Variants in TFEC observed in about 807,000 individuals in gnomAD.
The protein encoded by TFEC is class E basic helix-loop-helix protein 34.
A neutral mutation model predicts 41.6 loss-of-function variants in TFEC; 31 were observed. The observed-to-expected ratio is 0.74, with a 90% CI of 0.56 to 1.01. The LOEUF (loss-of-function observed/expected upper bound fraction) is 1.01. Among genes scored for constraint, TFEC ranks in the 50% least tolerant of loss-of-function variants. The pLI, the probability that TFEC is intolerant of heterozygous loss-of-function variation, is 0.00. For missense variants in TFEC, 402 were observed against 404.1 expected, an observed-to-expected ratio of 0.99 and a Z score of 0.04; for synonymous variants, 143 against 140.6, an observed-to-expected ratio of 1.02 and a Z score of -0.12.
chr7:116,001,546 C>A (rs1253194388), intron 1 of TFEC, among the ~76,000 whole-genome samples: 3 of 149,184 alleles, frequency 2.0e-5, no homozygotes, highest in East Asian at 2.0e-4. Flanking sequence ...AACAAACAAA[C>A]AAAAAAAACA....
chr7:115,952,901 G>C (rs752198983), intron 5 of TFEC, among the ~76,000 whole-genome samples: 2 of 152,042 alleles, frequency 1.3e-5, no homozygotes, highest in Non-Finnish European at 2.9e-5. Context: ...AGGGCCAAGG[G>C]AACCCTTCTA....
chr7:116,116,113 T>A (rs532565129), intron 1 of TFEC, among the ~76,000 whole-genome samples: 1 of 151,964 alleles, frequency 6.6e-6, no homozygotes, highest in African/African-American at 2.4e-5. Flanking sequence ...AAATAATGTA[T>A]ATAAAGTGTT....
chr7:115,942,299 A>C (rs1793547614), intron 6 of TFEC, among the ~76,000 whole-genome samples: 1 of 152,018 alleles, frequency 6.6e-6, no homozygotes. Context: ...CAATATCATG[A>C]TTCTACCATT....
chr7:116,066,588 C>T (rs533282922), intron 3 of TFEC, among the ~76,000 whole-genome samples: 1 of 151,904 alleles, frequency 6.6e-6, no homozygotes, highest in South Asian at 2.1e-4. Flanking sequence ...TTGTAATGAG[C>T]CTAGGAAAAG....
chr7:116,058,905 A>G (rs1796489436), intron 3 of TFEC, among the ~76,000 whole-genome samples: 1 of 151,806 alleles, frequency 6.6e-6, no homozygotes, highest in South Asian at 2.1e-4. Context: ...TGAGGGACGA[A>G]TTTTTAGTAC....
intron 3 of TFEC, among the ~76,000 whole-genome samples, chr7:115,959,711 A>G (rs1384581499): frequency 2.0e-5 from 3 of 151,720 alleles, no homozygotes; most frequent in African/African-American, 7.2e-5. Flanking sequence ...AAAATCCTAT[A>G]GAATGGAAAA....
chr7:116,157,817 C>G (rs1798899818), intron 1 of TFEC, among the ~76,000 whole-genome samples: 1 of 152,158 alleles, frequency 6.6e-6, no homozygotes, highest in South Asian at 2.1e-4. Flanking sequence ...CACAGAACTT[C>G]TGTCACACCG....
intron 3 of TFEC, among the ~76,000 whole-genome samples, chr7:116,059,407 T>C (rs1380979883): frequency 6.6e-6 from 1 of 151,858 alleles, no homozygotes; most frequent in Non-Finnish European, 1.5e-5. Context: ...ATTGGTGAAT[T>C]CTAGCAAACT....
intron 3 of TFEC, among the ~76,000 whole-genome samples, chr7:116,084,632 T>C (rs1797162217): frequency 6.8e-6 from 1 of 147,612 alleles, no homozygotes; most frequent in African/African-American, 2.4e-5. Context: ...AAGTTTCTAA[T>C]ATTTGATTAT....
chr7:115,956,412 T>A (rs567625730), intron 4 of TFEC, among the ~76,000 whole-genome samples: 2 of 151,926 alleles, frequency 1.3e-5, no homozygotes, highest in Admixed American at 6.6e-5. Context: ...TGTATGTATA[T>A]ATGTGTGTAT....
At chr7:116,107,509 A>G (rs891302329) in intron 3 of TFEC, among the ~76,000 whole-genome samples, 1 of 152,180 alleles carries the variant, frequency 6.6e-6, no homozygotes, top group Non-Finnish European at 1.5e-5. Context: ...GTTTGCTGCA[A>G]GGAGGAGCTG....
intron 2 of TFEC, among the ~76,000 whole-genome samples, chr7:115,977,302 A>G (rs1175588767): frequency 6.6e-6 from 1 of 152,120 alleles, no homozygotes; most frequent in African/African-American, 2.4e-5. Flanking sequence ...AAATTGCTTG[A>G]CAAAAGTAAA....
At chr7:116,044,334 T>A (rs1007641441) in intron 3 of TFEC, among the ~76,000 whole-genome samples, 1 of 152,208 alleles carries the variant, frequency 6.6e-6, no homozygotes, top group Non-Finnish European at 1.5e-5. Flanking sequence ...TTGTACAAAA[T>A]GTATTTGATG....
Position 115,991,615 on chromosome 7 carries a change from A to T in TFEC, c.-72-7102T>A, listed in dbSNP as rs528169482. Among the ~76,000 whole-genome samples, 568 of 152,350 alleles carry T rather than the reference A, an allele frequency of 3.7e-3. 3 individuals are homozygous for T. Among genetic ancestry groups the T allele is most frequent in the Non-Finnish European group, 4.1e-3 (280 of 68,042 alleles). The stretch of plus-strand genomic sequence containing the variant: ...ACAGACTTTAAACCAACAAAGATCA[A>T]AAGAGACAAAGAAGGCCATTACATA... On this transcript the variant is annotated intron_variant, in intron 1 of 7. Coordinates refer to ENST00000265440, the MANE Select transcript of TFEC (RefSeq NM_012252.4).
intron 3 of TFEC, among the ~76,000 whole-genome samples, chr7:116,063,846 T>C (rs1796629669): frequency 6.6e-6 from 1 of 152,198 alleles, no homozygotes; most frequent in Non-Finnish European, 1.5e-5. Flanking sequence ...CTCCATTCAT[T>C]GATGGACACT....
chr7:116,065,173 G>T lies in TFEC; in HGVS notation c.198+45535C>A, dbSNP rs373117324. The stretch of plus-strand genomic sequence containing the variant: ...CAAGAGGAAAAATCTGAAGGCAAAG[G>T]TATAAAACAGTGCAATATGATCATT... On this transcript the variant is annotated intron_variant, in intron 3 of 8. Coordinates refer to the TFEC transcript ENST00000484212. Among the ~76,000 whole-genome samples the T allele has an allele frequency of 3.3e-5, 5 of 152,216 alleles. No homozygotes were observed. The East Asian group carries it at 7.7e-4, about 24-fold the overall frequency.
At chr7:116,007,611 CT>C (rs1794848423) in intron 1 of TFEC, among the ~76,000 whole-genome samples, 1 of 152,100 alleles carries the variant, frequency 6.6e-6, no homozygotes. Flanking sequence ...ACGCTGTAGT[CT>C]TTTGACTTAG....
At chr7:116,071,349 T>TA (rs538310144) in intron 3 of TFEC, among the ~76,000 whole-genome samples, 5,158 of 142,094 alleles carry the variant, frequency 0.036, 262 homozygotes, top group African/African-American at 0.12. Context: ...ATACTAGAGT[T>TA]AAAAAAAAAA....
At chr7:115,942,790 G>T (rs1480000426) in intron 6 of TFEC, among the ~76,000 whole-genome samples, 10 of 151,986 alleles carry the variant, frequency 6.6e-5, no homozygotes, top group Non-Finnish European at 1.0e-4. Flanking sequence ...TTAAAGATAT[G>T]AAATTGTGGA....
Sources: allele counts gnomAD v4.1 joint callset (sites outside exome capture counted in the v4.1 genomes callset), GRCh38; gene constraint gnomAD v4.1.1; transcripts MANE v1.5; gene names NCBI Gene and HGNC (gene_info 2026-07-23, HGNC 2026-07-21).